Variants in RERE observed in about 807,000 individuals in gnomAD.
The protein encoded by RERE is arginine-glutamic acid dipeptide repeats protein.
Under a neutral mutation model 146.1 loss-of-function variants are expected in RERE, and 40 were observed. The observed-to-expected ratio is 0.27, with a 90% CI of 0.21 to 0.36. The LOEUF is 0.36. RERE is among the 10% of genes least tolerant of loss of function. RERE has a pLI of 1.00. For synonymous variants in RERE, 1,003 were observed against 866.0 expected, an observed-to-expected ratio of 1.16 and a Z score of -2.78; for missense variants, 1,933 against 2,138.7, an observed-to-expected ratio of 0.90 and a Z score of 1.90.
chr1:8,817,441 GC>G lies in RERE; in HGVS notation c.-427del, dbSNP rs1016421967. 1 of 149,322 alleles carries G rather than the reference GC, an allele frequency of 6.7e-6. No individual in the cohort carries two copies. The highest frequency in any genetic ancestry group is 1.5e-5 in the Non-Finnish European group (1 of 67,668). The allele number at this position is 149,322 out of a possible 1,614,324, so 9.2% of individuals were successfully genotyped here. A position where few individuals can be genotyped will look rare whatever the true frequency, so the allele number is the denominator to read the frequency against. On this transcript the variant is annotated 5_prime_UTR_variant, in exon 1 of 23. Coordinates refer to ENST00000400908, the MANE Select transcript of RERE (RefSeq NM_001042681.2). ...GGTTTTGTTTTCCGAGGGCGAGGGG[GC>G]TCCCTGAGGATGATGGTGATTTTTT...
chr1:8,441,662 TG>T (rs1644250242), intron 11 of RERE, among the ~76,000 whole-genome samples: 4 of 152,220 alleles, frequency 2.6e-5, no homozygotes, highest in Non-Finnish European at 5.9e-5. Flanking sequence ...GGCATTATTA[TG>T]GAAAGAATTC....
intron 19 of RERE, among the ~76,000 whole-genome samples, chr1:8,359,443 C>G (rs1641458266): frequency 6.6e-6 from 1 of 152,214 alleles, no homozygotes; most frequent in South Asian, 2.1e-4. Context: ...GTGCTTCTCC[C>G]CGACTCCTTC....
intron 7 of RERE, among the ~76,000 whole-genome samples, chr1:8,522,602 C>T (rs898119520): frequency 2.0e-5 from 3 of 151,994 alleles, no homozygotes; most frequent in East Asian, 1.9e-4. Context: ...CCGGGCAGGG[C>T]GGCTCACACC....
intron 4 of RERE, among the ~76,000 whole-genome samples, chr1:8,586,284 A>C (rs567999932): frequency 1.3e-5 from 2 of 152,380 alleles, no homozygotes; most frequent in Non-Finnish European, 2.9e-5. Context: ...CAAAACTATA[A>C]TGGAATATAA....
At chr1:8,490,089 G>A (rs946403334) in intron 10 of RERE, among the ~76,000 whole-genome samples, 16 of 150,292 alleles carry the variant, frequency 1.1e-4, no homozygotes, top group Admixed American at 4.0e-4. Flanking sequence ...CAGAACAGGC[G>A]CAGTGGCTCA....
At chr1:8,741,409 C>T (rs1569684057) in intron 1 of RERE, among the ~76,000 whole-genome samples, 3 of 152,168 alleles carry the variant, frequency 2.0e-5, no homozygotes, top group Admixed American at 2.0e-4. Flanking sequence ...TGTGTCCCCA[C>T]CCAAATCTCA....
chr1:8,769,521 C>T (rs931271367), intron 1 of RERE, among the ~76,000 whole-genome samples: 4 of 152,142 alleles, frequency 2.6e-5, no homozygotes, highest in Non-Finnish European at 4.4e-5. Context: ...AATCGCTCAC[C>T]CAGGGTGAGG....
intron 10 of RERE, among the ~76,000 whole-genome samples, chr1:8,488,102 AT>A (rs1644928169): frequency 1.3e-5 from 2 of 151,490 alleles, no homozygotes; most frequent in South Asian, 2.1e-4. Context: ...AAAAAAAAAA[AT>A]CAAAGACAAC....
At chr1:8,644,708 C>T (rs1266747186) in intron 2 of RERE, among the ~76,000 whole-genome samples, 1 of 152,162 alleles carries the variant, frequency 6.6e-6, no homozygotes, top group Non-Finnish European at 1.5e-5. Flanking sequence ...GTTGCCCAGG[C>T]TAGCCTCAAA....
intron 12 of RERE, among the ~76,000 whole-genome samples, chr1:8,385,901 G>A (rs1181173358): frequency 7.1e-6 from 1 of 141,794 alleles, no homozygotes. Context: ...CCCGGGAGGT[G>A]GAGCTTGCAG....
chr1:8,542,805 C>T (rs527292596), intron 6 of RERE, among the ~76,000 whole-genome samples: 1 of 152,232 alleles, frequency 6.6e-6, no homozygotes, highest in East Asian at 1.9e-4. Flanking sequence ...TGCACCCAGC[C>T]CCCATCTCCA....
At chr1:8,609,314 C>T (rs990209470) in intron 4 of RERE, among the ~76,000 whole-genome samples, 1 of 152,154 alleles carries the variant, frequency 6.6e-6, no homozygotes, top group African/African-American at 2.4e-5. Context: ...CAGGCCCAGC[C>T]GGGTTCTCTG....
chr1:8,360,594 G>A lies in RERE; in HGVS notation c.2913C>T (p.Pro971=). Residue 971 remains proline, a synonymous_variant, in exon 18 of 23, where the codon CCC becomes CCT. Transcript: ENST00000400908. ...ANLPPPPALK[P]LSSLSTHHPP... ...GGTGATGTGTGGACAGGGAGCTCAGGGGCTTCAGGGCTGGAGGGGGAGGCA... is the reference window on the plus strand; with the variant it reads ...GGTGATGTGTGGACAGGGAGCTCAGAGGCTTCAGGGCTGGAGGGGGAGGCA... The A allele has an allele frequency of 6.7e-7, 1 of 1,502,140 alleles. No homozygotes were observed. Among genetic ancestry groups the A allele is most frequent in the African/African-American group, 1.4e-5 (1 of 70,174 alleles). The allele number at this position is 1,502,140 out of a possible 1,614,324, so 93.1% of individuals were successfully genotyped here.
At chr1:8,713,504 T>C (rs1639706979) in intron 1 of RERE, among the ~76,000 whole-genome samples, 2 of 151,982 alleles carry the variant, frequency 1.3e-5, no homozygotes. Flanking sequence ...GAGGCTGAGG[T>C]GGGCGGATCA....
At chr1:8,680,129 A>T (rs1638930727) in intron 1 of RERE, among the ~76,000 whole-genome samples, 1 of 152,184 alleles carries the variant, frequency 6.6e-6, no homozygotes, top group Non-Finnish European at 1.5e-5. Context: ...GTCACGTGAC[A>T]CCAATGTCCT....
At chr1:8,416,597 A>AG (rs1557621266) in intron 12 of RERE, among the ~76,000 whole-genome samples, 1 of 150,454 alleles carries the variant, frequency 6.6e-6, no homozygotes, top group African/African-American at 2.4e-5. Flanking sequence ...AAAAAAAAAA[A>AG]AAAAAGAAAA....
chr1:8,393,885 A>AT (rs1570130369), intron 12 of RERE, among the ~76,000 whole-genome samples: 1 of 152,264 alleles, frequency 6.6e-6, no homozygotes, highest in East Asian at 1.9e-4. Flanking sequence ...AACTTCCTTC[A>AT]TTTTTTGTTT....
intron 1 of RERE, among the ~76,000 whole-genome samples, chr1:8,772,315 T>C (rs4908513): frequency 0.8 from 121,879 of 152,084 alleles, 49,139 homozygotes; most frequent in East Asian, 0.95. Context: ...GATATATAAA[T>C]TCTGTTTTAC....
chr1:8,723,834 C>A (rs1639906961), intron 1 of RERE, among the ~76,000 whole-genome samples: 1 of 152,186 alleles, frequency 6.6e-6, no homozygotes, highest in Non-Finnish European at 1.5e-5. Flanking sequence ...CAGAAACAAC[C>A]TACTTTCTAG....
Sources: allele counts gnomAD v4.1 joint callset (sites outside exome capture counted in the v4.1 genomes callset), GRCh38; gene constraint gnomAD v4.1.1; transcripts MANE v1.5; gene names NCBI Gene and HGNC (gene_info 2026-07-23, HGNC 2026-07-21).